Variants in CADM2 observed in about 807,000 individuals in gnomAD.
The protein encoded by CADM2 is immunoglobulin superfamily member 4D.
CADM2 carries 12 observed loss-of-function variants against 49.8 expected under a neutral mutation model. The observed-to-expected ratio is 0.24, with a 90% CI of 0.15 to 0.39. CADM2 has a LOEUF of 0.39. Among genes scored for constraint, CADM2 ranks in the 10% least tolerant of loss-of-function variants. The pLI, the probability that CADM2 is intolerant of heterozygous loss-of-function variation, is 1.00. For synonymous variants in CADM2, 214 were observed against 175.4 expected, an observed-to-expected ratio of 1.22 and a Z score of -1.74; for missense variants, 378 against 492.3, an observed-to-expected ratio of 0.77 and a Z score of 2.20.
intron 1 of CADM2, among the ~76,000 whole-genome samples, chr3:85,671,291 T>G (rs904275989): frequency 6.6e-6 from 1 of 152,206 alleles, no homozygotes. Context: ...TCTTGCTTGT[T>G]TTCAAAGCTT....
chr3:85,854,813 G>A (rs1270218205), intron 3 of CADM2, among the ~76,000 whole-genome samples: 1 of 152,042 alleles, frequency 6.6e-6, no homozygotes, highest in Admixed American at 6.6e-5. Context: ...AAAAAATAAT[G>A]CGGGTATGTG....
rs2044702760 is a variant in CADM2, at chr3:85,324,746, AT to A, written c.61+365080del. Among the ~76,000 whole-genome samples, 5 of 152,336 alleles carry A rather than the reference AT, an allele frequency of 3.3e-5. No homozygotes were observed. In the South Asian group the frequency reaches 1.0e-3, roughly 32 times the overall value. ...ATTGTTTTATATTCCTTGTGGTTGC[AT>A]TCCAATTTACACTTGCAGATGTCTT... On this transcript the variant is annotated intron_variant, in intron 1 of 9. Coordinates refer to ENST00000383699, the MANE Select transcript of CADM2 (RefSeq NM_001167675.2).
chr3:85,125,664 A>G (rs2039009276), intron 1 of CADM2, among the ~76,000 whole-genome samples: 1 of 151,994 alleles, frequency 6.6e-6, no homozygotes, highest in African/African-American at 2.4e-5. Context: ...TGCCCAGCCT[A>G]CTCTTGGGGA....
chr3:85,781,269 C>A (rs151300639), intron 2 of CADM2, among the ~76,000 whole-genome samples: 1 of 152,218 alleles, frequency 6.6e-6, no homozygotes, highest in Non-Finnish European at 1.5e-5. Context: ...GCCTTTAAGT[C>A]TTACTGCTAT....
chr3:85,407,063 G>A (rs546408231), intron 1 of CADM2, among the ~76,000 whole-genome samples: 6 of 152,142 alleles, frequency 3.9e-5, no homozygotes, highest in African/African-American at 1.4e-4. Flanking sequence ...TTAAACAGGT[G>A]TGGTGGTGCA....
chr3:85,745,382 G>A (rs552541886), intron 2 of CADM2, among the ~76,000 whole-genome samples: 2 of 152,162 alleles, frequency 1.3e-5, no homozygotes, highest in Admixed American at 1.3e-4. Context: ...TTGACCATAA[G>A]TGTTGTTGAA....
chr3:85,359,666 A>ATATATATATATTTTTTTTTTTTT, intron 1 of CADM2, among the ~76,000 whole-genome samples: 1 of 26,544 alleles, frequency 3.8e-5, no homozygotes, highest in Non-Finnish European at 8.1e-5. Context: ...ATATATATAT[A>ATATATATATATTTTTTTTTTTTT]TTTTTTTTTT....
chr3:85,798,869 C>G (rs2071801956), intron 2 of CADM2, among the ~76,000 whole-genome samples: 1 of 152,050 alleles, frequency 6.6e-6, no homozygotes, highest in Non-Finnish European at 1.5e-5. Context: ...GAAATTATGG[C>G]CATTTTCACA....
At chr3:85,944,151 A>G (rs1270157518) in intron 7 of CADM2, among the ~76,000 whole-genome samples, 1 of 152,122 alleles carries the variant, frequency 6.6e-6, no homozygotes. Flanking sequence ...ACTTTAAACC[A>G]ACAAAGATCA....
intron 1 of CADM2, among the ~76,000 whole-genome samples, chr3:85,084,406 C>A (rs1287231926): frequency 6.6e-6 from 1 of 152,110 alleles, no homozygotes; most frequent in African/African-American, 2.4e-5. Flanking sequence ...TCTTTCAGAT[C>A]CAATTATCAC....
chr3:85,402,283 G>A (rs937982174), intron 1 of CADM2, among the ~76,000 whole-genome samples: 1 of 151,780 alleles, frequency 6.6e-6, no homozygotes, highest in Non-Finnish European at 1.5e-5. Context: ...AACCATAATA[G>A]TATTTTTTTA....
At chr3:86,047,923 C>A (rs1736861691) in intron 8 of CADM2, among the ~76,000 whole-genome samples, 1 of 152,072 alleles carries the variant, frequency 6.6e-6, no homozygotes, top group African/African-American at 2.4e-5. Context: ...GCAAAGATCA[C>A]CTTTCAAAAT....
At chr3:85,446,030 AC>A (rs2037434556) in intron 1 of CADM2, among the ~76,000 whole-genome samples, 1 of 152,160 alleles carries the variant, frequency 6.6e-6, no homozygotes, top group African/African-American at 2.4e-5. Flanking sequence ...GTGTATGTAC[AC>A]TAGATAGTCA....
chr3:85,159,761 G>T (rs1559696181), intron 1 of CADM2, among the ~76,000 whole-genome samples: 1 of 152,018 alleles, frequency 6.6e-6, no homozygotes, highest in Admixed American at 6.6e-5. Flanking sequence ...AGAGTTTTTA[G>T]GGATAGTTTC....
chr3:86,023,888 A>C (rs949563300), intron 8 of CADM2, among the ~76,000 whole-genome samples: 7 of 152,200 alleles, frequency 4.6e-5, no homozygotes, highest in East Asian at 1.9e-4. Context: ...ATTCTGAAGA[A>C]TTCAAGGTTT....
chr3:85,988,050 T>G (rs1299403221), intron 8 of CADM2, among the ~76,000 whole-genome samples: 1 of 152,118 alleles, frequency 6.6e-6, no homozygotes, highest in Admixed American at 6.6e-5. Context: ...ATACCAACTT[T>G]GGGATAGAAG....
rs554531088 is a variant in CADM2, at chr3:86,021,381, A to AAGCATC, written c.971-44223_971-44222insGCATCA. On this transcript the variant is annotated intron_variant, in intron 8 of 9. Transcript: ENST00000383699. ...ATTTAATTATGTTGCTTCCCGGAGG[A>AAGCATC]ATATATTTCCTTCTGTCCTATATCA... Among the ~76,000 whole-genome samples, 60 of 152,220 alleles carry AAGCATC rather than the reference A, an allele frequency of 3.9e-4. No homozygotes were observed. The South Asian group carries it at 0.012, about 31-fold the overall frequency.
chr3:85,116,551 C>G (rs147357414), intron 1 of CADM2, among the ~76,000 whole-genome samples: 1 of 152,080 alleles, frequency 6.6e-6, no homozygotes, highest in Non-Finnish European at 1.5e-5. Flanking sequence ...GAATTGAACA[C>G]GTTTGATTAT....
intron 1 of CADM2, among the ~76,000 whole-genome samples, chr3:84,997,171 A>T (rs1366505043): frequency 6.6e-6 from 1 of 152,048 alleles, no homozygotes; most frequent in African/African-American, 2.4e-5. Context: ...TGTCCAATAA[A>T]ATTATTTTAC....
Sources: allele counts gnomAD v4.1 joint callset (sites outside exome capture counted in the v4.1 genomes callset), GRCh38; gene constraint gnomAD v4.1.1; transcripts MANE v1.5; gene names NCBI Gene and HGNC (gene_info 2026-07-23, HGNC 2026-07-21).